Variants in CHRM3 observed in about 807,000 individuals in gnomAD.
CHRM3 encodes the protein cholinergic receptor muscarinic 3, also known as muscarinic acetylcholine receptor M3.
CHRM3 carries 11 observed loss-of-function variants against 41.8 expected under a neutral mutation model. The ratio of observed to expected loss-of-function variants is 0.26; its 90% CI spans 0.17 to 0.44. The LOEUF is 0.44. Among genes scored for constraint, CHRM3 ranks in the 20% least tolerant of loss-of-function variants. The pLI is 1.00. For synonymous variants in CHRM3, 297 were observed against 301.4 expected (o/e 0.99, Z 0.15); for missense variants, 571 against 745.4 (o/e 0.77, Z 2.72).
At chr1:239,465,770 A>G (rs1415367428) in intron 1 of CHRM3, among the ~76,000 whole-genome samples, 1 of 152,090 alleles carries the variant, frequency 6.6e-6, no homozygotes, top group Non-Finnish European at 1.5e-5. Flanking sequence ...GTGGGTTTGA[A>G]CTGCGTGGGT....
intron 2 of CHRM3, among the ~76,000 whole-genome samples, chr1:239,522,855 TGTA>T (rs749124356): frequency 6.6e-6 from 1 of 152,138 alleles, no homozygotes; most frequent in Non-Finnish European, 1.5e-5. Flanking sequence ...ACGCAGAAAA[TGTA>T]GTGGTGTAGC....
rs2103046006 is a variant in CHRM3, at chr1:239,907,415, C to T, written c.-19-18C>T. 6.4e-7 allele frequency: 1 copy of T among 1,570,678 alleles called. No homozygotes were observed. Among genetic ancestry groups the T allele is most frequent in the Non-Finnish European group, 8.7e-7 (1 of 1,155,298 alleles). ...GGCAGAAATTTTTCTAACTCTGTCT[C>T]TTCTCTCTTTCCCCCAGACTATGTC... On this transcript the variant is annotated intron_variant, in intron 6 of 6. Coordinates refer to ENST00000676153, the MANE Select transcript of CHRM3 (RefSeq NM_001375978.1). This position sits in a 1 kb window ranked among gnomAD's most constrained non-coding sequence, Gnocchi z 5.4.
At chr1:239,790,191 T>G (rs1257296988) in intron 5 of CHRM3, among the ~76,000 whole-genome samples, 1 of 152,182 alleles carries the variant, frequency 6.6e-6, no homozygotes, top group Non-Finnish European at 1.5e-5. Context: ...CTGTGGACTT[T>G]CGGGTTAATG....
At chr1:239,592,086 A>T (rs1664224190) in intron 3 of CHRM3, among the ~76,000 whole-genome samples, 1 of 152,134 alleles carries the variant, frequency 6.6e-6, no homozygotes, top group Non-Finnish European at 1.5e-5. Context: ...GGCGAGGTAG[A>T]TTGCTTTCTG....
At chr1:239,493,885 C>G (rs1180937002) in intron 2 of CHRM3, among the ~76,000 whole-genome samples, 1 of 152,108 alleles carries the variant, frequency 6.6e-6, no homozygotes, top group African/African-American at 2.4e-5. Flanking sequence ...CAGGAGGGTT[C>G]TTGGCTTTAC....
chr1:239,679,494 A>T (rs914963558), intron 5 of CHRM3, among the ~76,000 whole-genome samples: 3 of 152,118 alleles, frequency 2.0e-5, no homozygotes, highest in Non-Finnish European at 4.4e-5. Context: ...AGTGAGAGAG[A>T]GTAGATAAAT....
intron 4 of CHRM3, among the ~76,000 whole-genome samples, chr1:239,643,755 T>C (rs1671466239): frequency 6.6e-6 from 1 of 152,204 alleles, no homozygotes; most frequent in African/African-American, 2.4e-5. Context: ...CTTTGGCTCA[T>C]GCACGGTGCG....
chr1:239,765,820 T>C (rs1050051366), intron 5 of CHRM3, among the ~76,000 whole-genome samples: 2 of 146,040 alleles, frequency 1.4e-5, no homozygotes, highest in Admixed American at 6.8e-5. Context: ...TTTTTTATCT[T>C]TTTTTTTTTT....
chr1:239,820,188 T>C (rs1439089001), intron 5 of CHRM3, among the ~76,000 whole-genome samples: 2 of 152,244 alleles, frequency 1.3e-5, no homozygotes, highest in Non-Finnish European at 2.9e-5. Flanking sequence ...TTATTCCTAC[T>C]GTGCACACAG....
intron 5 of CHRM3, among the ~76,000 whole-genome samples, chr1:239,721,284 G>T (rs1230572938): frequency 1.3e-5 from 2 of 151,914 alleles, no homozygotes; most frequent in African/African-American, 4.8e-5. Context: ...AGAGGTGAAA[G>T]AAATGTTCTT....
At chr1:239,723,052 G>C (rs1368608463) in intron 5 of CHRM3, among the ~76,000 whole-genome samples, 1 of 151,822 alleles carries the variant, frequency 6.6e-6, no homozygotes, top group Non-Finnish European at 1.5e-5. Context: ...AATTTTCTCA[G>C]TATCCTCTGC....
chr1:239,519,738 G>GTTTT (rs1553317084), intron 2 of CHRM3, among the ~76,000 whole-genome samples: 6 of 98,964 alleles, frequency 6.1e-5, no homozygotes, highest in Admixed American at 3.0e-4. Flanking sequence ...TTAAAAACTA[G>GTTTT]TTCTTTTTTT....
At position 239,542,059 on chromosome 1, in the gene CHRM3, T is replaced by C. The variant is rs565819948; in HGVS notation, c.-421-3582T>C. The stretch of plus-strand genomic sequence containing the variant: ...GTAGATAGGCAGAAATATGTATGTG[T>C]GGGCATTTTTTAAAAAACCATGTCT... On this transcript the variant is annotated intron_variant, in intron 2 of 6. Coordinates refer to ENST00000676153, the MANE Select transcript of CHRM3 (RefSeq NM_001375978.1). Among the ~76,000 whole-genome samples, 14 of 152,236 alleles carry C rather than the reference T, an allele frequency of 9.2e-5. No homozygotes were observed. In the East Asian group the frequency reaches 2.7e-3, roughly 29 times the overall value.
intron 5 of CHRM3, among the ~76,000 whole-genome samples, chr1:239,818,023 G>T (rs1443536153): frequency 6.6e-6 from 1 of 152,138 alleles, no homozygotes; most frequent in Non-Finnish European, 1.5e-5. Flanking sequence ...ATCTGTTTGG[G>T]TTGTCACAAC....
chr1:239,791,255 C>T (rs953856428), intron 5 of CHRM3, among the ~76,000 whole-genome samples: 5 of 152,136 alleles, frequency 3.3e-5, no homozygotes, highest in African/African-American at 1.2e-4. Context: ...CAGGCATGCA[C>T]CACCACATCC....
At chr1:239,414,778 A>T (rs1192853879) in intron 1 of CHRM3, among the ~76,000 whole-genome samples, 1 of 152,214 alleles carries the variant, frequency 6.6e-6, no homozygotes, top group Admixed American at 6.5e-5. Context: ...GAGTAGTGAG[A>T]TTCTAGTTTG....
intron 2 of CHRM3, among the ~76,000 whole-genome samples, chr1:239,495,945 G>A (rs1045051274): frequency 1.3e-5 from 2 of 152,004 alleles, no homozygotes; most frequent in African/African-American, 4.8e-5. Flanking sequence ...GGGGCAAAGG[G>A]GTAGAAAGCA....
chr1:239,833,605 C>T lies in CHRM3; in HGVS notation c.-20+6227C>T, dbSNP rs73129037. 1.2e-3 allele frequency among the ~76,000 whole-genome samples: 180 copies of T among 152,256 alleles called. 1 individual carries two copies. Among genetic ancestry groups the T allele is most frequent in the African/African-American group, 4.1e-3 (171 of 41,556 alleles). On this transcript the variant is annotated intron_variant, in intron 6 of 6. Coordinates refer to ENST00000676153, the MANE Select transcript of CHRM3 (RefSeq NM_001375978.1). ...CCCCAAAACCTCGTTGTGACCAAGC[C>T]GAGGAATTCCTGCACGCTGGCTGAG...
chr1:239,831,305 G>C (rs774891225), intron 6 of CHRM3, among the ~76,000 whole-genome samples: 1 of 152,042 alleles, frequency 6.6e-6, no homozygotes, highest in Non-Finnish European at 1.5e-5. Flanking sequence ...AACATCAAAG[G>C]AAGCTCCTGG....
Sources: gnomAD v4.1 joint callset for allele counts (sites outside exome capture counted in the v4.1 genomes callset) on GRCh38, gnomAD v4.1.1 for gene constraint, Gnocchi (gnomAD v3.1) non-coding constraint, MANE v1.5 for transcripts, NCBI Gene and HGNC (gene_info 2026-07-23, HGNC 2026-07-21) for gene names.